Variants in SLC1A3 observed in about 807,000 individuals in gnomAD.
SLC1A3 encodes the protein solute carrier family 1 member 3, also known as excitatory amino acid transporter 1.
In SLC1A3, 21 loss-of-function variants were observed where a neutral mutation model predicts 48.1. That is an observed-to-expected ratio of 0.44 (90% CI 0.31 to 0.63). SLC1A3 has a LOEUF of 0.63. SLC1A3 is among the 20% of genes least tolerant of loss of function. The probability of loss-of-function intolerance (pLI) is 0.08; values close to 1 mark genes in which losing one functional copy is unlikely to be tolerated. For missense variants in SLC1A3, 546 were observed against 689.0 expected (o/e 0.79, Z 2.32); for synonymous variants, 239 against 251.4 (o/e 0.95, Z 0.47).
At chr5:36,670,664 C>T (rs929589985) in intron 3 of SLC1A3, among the ~76,000 whole-genome samples, 28 of 152,320 alleles carry the variant, frequency 1.8e-4, no homozygotes, top group Admixed American at 1.8e-3. Context: ...CACATGCACA[C>T]AGGCACACTC....
intron 2 of SLC1A3, among the ~76,000 whole-genome samples, chr5:36,611,813 C>T (rs1739211044): frequency 1.0e-5 from 1 of 99,662 alleles, no homozygotes; most frequent in Non-Finnish European, 2.0e-5. Flanking sequence ...CCTCAGACAT[C>T]TAGCTGAAAG....
intron 5 of SLC1A3, among the ~76,000 whole-genome samples, chr5:36,676,266 C>T (rs939009191): frequency 6.6e-5 from 10 of 152,174 alleles, no homozygotes; most frequent in Non-Finnish European, 1.3e-4. Flanking sequence ...CAGGTCTAAT[C>T]CCTGAAGGGC....
At chr5:36,633,505 T>A (rs913494627) in intron 3 of SLC1A3, among the ~76,000 whole-genome samples, 5 of 152,194 alleles carry the variant, frequency 3.3e-5, no homozygotes, top group Non-Finnish European at 5.9e-5. Flanking sequence ...CTTTAACAGC[T>A]GTTTATTGCG....
At chr5:36,599,386 T>C (rs1738780282) in intron 1 of SLC1A3, among the ~76,000 whole-genome samples, 1 of 152,030 alleles carries the variant, frequency 6.6e-6, no homozygotes, top group Non-Finnish European at 1.5e-5. Context: ...CTTAGCTAGG[T>C]CACAAGGCAC....
intron 3 of SLC1A3, among the ~76,000 whole-genome samples, chr5:36,649,932 A>C (rs1323034788): frequency 1.3e-5 from 2 of 152,236 alleles, no homozygotes; most frequent in African/African-American, 2.4e-5. Flanking sequence ...TCACTGTGTG[A>C]GTTTTCCAAA....
intron 2 of SLC1A3, among the ~76,000 whole-genome samples, chr5:36,628,161 G>C (rs886514022): frequency 3.3e-5 from 5 of 152,182 alleles, no homozygotes; most frequent in Non-Finnish European, 5.9e-5. Context: ...AAGGCCCTGA[G>C]AGCTGGGTCA....
chr5:36,671,186 C>CA lies in SLC1A3; in HGVS notation c.481dup (p.Ile161AsnfsTer28). 1 of 1,613,836 alleles carries CA rather than the reference C, an allele frequency of 6.2e-7. No individual in the cohort carries two copies. Among genetic ancestry groups the CA allele is most frequent in the Non-Finnish European group, 8.5e-7 (1 of 1,179,782 alleles). On this transcript the variant is annotated frameshift_variant, in exon 4 of 10. Coordinates refer to ENST00000265113, the MANE Select transcript of SLC1A3 (RefSeq NM_004172.5). LOFTEE classifies it high-confidence loss of function. ...CAAAGGAAAACATGCACAGAGAAGG[C>CA]AAAATTGTACGAGTGACAGCTGCAG... is the stretch of plus-strand genomic sequence containing the variant.
At chr5:36,641,505 A>G (rs1368852368) in intron 3 of SLC1A3, among the ~76,000 whole-genome samples, 2 of 152,184 alleles carry the variant, frequency 1.3e-5, no homozygotes, top group African/African-American at 4.8e-5. Flanking sequence ...CAATTGTAAT[A>G]TAGTGATTCA....
At chr5:36,603,763 A>G (rs542463842), upstream of SLC1A3, among the ~76,000 whole-genome samples, 1 of 152,318 alleles carries the variant, frequency 6.6e-6, no homozygotes, top group Admixed American at 6.5e-5. Flanking sequence ...GCATTCTACA[A>G]TTTCCAAATT....
At position 36,640,410 on chromosome 5, in the gene SLC1A3, A is replaced by G. The variant is rs1035922854; in HGVS notation, c.319+10823A>G. Among the ~76,000 whole-genome samples the G allele has an allele frequency of 3.3e-4, 50 of 152,208 alleles. 1 individual carries two copies. Among genetic ancestry groups the G allele is most frequent in the Non-Finnish European group, 6.3e-4 (43 of 68,036 alleles). On this transcript the variant is annotated intron_variant, in intron 3 of 9. Transcript: ENST00000265113. ...TTCTTTCACTAACCCATCAACTTCT[A>G]TACTACCAGTGTAACACTCTTCTCA...
chr5:36,632,588 T>G (rs1740178698), intron 3 of SLC1A3, among the ~76,000 whole-genome samples: 1 of 152,238 alleles, frequency 6.6e-6, no homozygotes, highest in Admixed American at 6.5e-5. Context: ...TCAGAGGTCA[T>G]GCTCCCATAG....
At chr5:36,651,085 G>A (rs772320234) in intron 3 of SLC1A3, among the ~76,000 whole-genome samples, 1 of 148,152 alleles carries the variant, frequency 6.7e-6, no homozygotes, top group Non-Finnish European at 1.5e-5. Context: ...TTAACATGAT[G>A]GGGAATGCAG....
At chr5:36,599,087 T>A (rs1738775685) in intron 1 of SLC1A3, among the ~76,000 whole-genome samples, 1 of 152,196 alleles carries the variant, frequency 6.6e-6, no homozygotes, top group African/African-American at 2.4e-5. Flanking sequence ...GCATCTCAAA[T>A]CCTACTAACT....
intron 2 of SLC1A3, among the ~76,000 whole-genome samples, chr5:36,624,925 G>A (rs1739841969): frequency 6.6e-6 from 1 of 152,190 alleles, no homozygotes; most frequent in Non-Finnish European, 1.5e-5. Context: ...GAGATCCAAG[G>A]TTATTTCTCC....
intron 2 of SLC1A3, among the ~76,000 whole-genome samples, chr5:36,622,931 G>C (rs1243452120): frequency 1.3e-5 from 2 of 149,646 alleles, no homozygotes; most frequent in African/African-American, 4.9e-5. Context: ...AGAATGGCTT[G>C]AACCTGGGAG....
chr5:36,609,315 T>C, intron 2 of SLC1A3: 1 of 894,802 alleles, frequency 1.1e-6, no homozygotes, highest in Non-Finnish European at 1.3e-6. Flanking sequence ...AGTTTATTAC[T>C]TATGGGTGGC....
At chr5:36,599,447 T>C (rs1476330208) in intron 1 of SLC1A3, among the ~76,000 whole-genome samples, 3 of 149,136 alleles carry the variant, frequency 2.0e-5, no homozygotes, top group Non-Finnish European at 4.4e-5. Context: ...GCCACCTACG[T>C]CCCTAGGAAT....
At chr5:36,625,290 T>C (rs1029739366) in intron 2 of SLC1A3, among the ~76,000 whole-genome samples, 2 of 152,102 alleles carry the variant, frequency 1.3e-5, no homozygotes, top group Non-Finnish European at 2.9e-5. Context: ...GAACCCCATC[T>C]CTACTAAAAA....
intron 3 of SLC1A3, among the ~76,000 whole-genome samples, chr5:36,664,009 C>T (rs977248998): frequency 1.3e-5 from 2 of 152,212 alleles, no homozygotes; most frequent in Non-Finnish European, 1.5e-5. Flanking sequence ...GGTCACTATC[C>T]TCATTCTGTG....
Sources: gnomAD v4.1 joint callset for allele counts (sites outside exome capture counted in the v4.1 genomes callset) on GRCh38, gnomAD v4.1.1 for gene constraint, MANE v1.5 for transcripts, NCBI Gene and HGNC (gene_info 2026-07-23, HGNC 2026-07-21) for gene names.